The following NAA11 variants were observed in gnomAD, a reference collection of about 807,000 sequenced individuals.
NAA11 encodes the protein N-alpha-acetyltransferase 11.
Under a neutral mutation model 16.1 loss-of-function variants are expected in NAA11, and 15 were observed. The observed-to-expected ratio is 0.93, with a 90% CI of 0.62 to 1.44. The LOEUF (loss-of-function observed/expected upper bound fraction) is 1.44. Among genes scored for constraint, NAA11 ranks in the 40% most tolerant of loss-of-function variants. NAA11 has a pLI of 0.00. For synonymous variants in NAA11, 122 were observed against 112.4 expected (o/e 1.09, Z -0.54); for missense variants, 298 against 291.3 (o/e 1.02, Z -0.17).
rs865854518 is a variant in NAA11, at chr4:79,303,074, T to A, written c.*13-8960A>T. The stretch of plus-strand genomic sequence containing the variant: ...TTTTCATTCCTGTTCTCTTGAGGCC[T>A]TTTATATATATATATATATATATAT... On this transcript the variant is annotated intron_variant and NMD_transcript_variant, in intron 1 of 2. Transcript: ENST00000511542. 2.4e-4 allele frequency among the ~76,000 whole-genome samples: 17 copies of A among 72,276 alleles called. 1 individual carries two copies. The highest frequency in any genetic ancestry group is 1.2e-3 in the African/African-American group (16 of 13,516). The allele number at this position is 72,276 out of a possible 152,430, so 47.4% of individuals were successfully genotyped here. A position where few individuals can be genotyped will look rare whatever the true frequency, so the allele number is the denominator to read the frequency against.
chr4:79,175,484 A>T, the NAA11 span, among the ~76,000 whole-genome samples: 1 of 152,096 alleles, frequency 6.6e-6, no homozygotes, highest in Non-Finnish European at 1.5e-5. Context: ...TCTTATTTCA[A>T]CAAGCAATGT....
chr4:79,190,456 C>CTT, the NAA11 span, among the ~76,000 whole-genome samples: 2,204 of 142,602 alleles, frequency 0.015, 47 homozygotes, highest in African/African-American at 0.049. Context: ...TTGTCTCTCC[C>CTT]TTTTTTTTTT....
chr4:79,186,702 TG>T, the NAA11 span, among the ~76,000 whole-genome samples: 7 of 152,104 alleles, frequency 4.6e-5, no homozygotes, highest in African/African-American at 1.7e-4. Flanking sequence ...AGATGGATTT[TG>T]TCAAATGGAG....
intron 2 of NAA11, among the ~76,000 whole-genome samples, chr4:79,276,649 T>G (rs1480954974): frequency 6.6e-6 from 1 of 152,144 alleles, no homozygotes; most frequent in Admixed American, 6.5e-5. Context: ...TACTGGACAC[T>G]CTGCCGAATA....
chr4:79,218,176 G>C, the NAA11 span, among the ~76,000 whole-genome samples: 2 of 152,032 alleles, frequency 1.3e-5, no homozygotes, highest in Non-Finnish European at 2.9e-5. Flanking sequence ...GCAGCAGTGG[G>C]GTAAGAGAAT....
At chr4:79,240,279 C>G (rs1446147110) in intron 2 of NAA11, among the ~76,000 whole-genome samples, 2 of 152,182 alleles carry the variant, frequency 1.3e-5, no homozygotes, top group African/African-American at 4.8e-5. Flanking sequence ...CATCCCCCAT[C>G]ACTCAGAAGT....
the NAA11 span, among the ~76,000 whole-genome samples, chr4:79,217,213 G>A: frequency 8.0e-3 from 1,222 of 152,264 alleles, 16 homozygotes; most frequent in African/African-American, 0.028. Context: ...GCTTTGGGAT[G>A]CAGATCAACT....
the NAA11 span, among the ~76,000 whole-genome samples, chr4:79,155,941 C>T: frequency 6.6e-6 from 1 of 152,142 alleles, no homozygotes. Context: ...ATTTCATTCT[C>T]AGGTTTGGAG....
intron 2 of NAA11, among the ~76,000 whole-genome samples, chr4:79,274,581 T>C (rs900725545): frequency 2.0e-5 from 3 of 152,124 alleles, no homozygotes; most frequent in African/African-American, 4.8e-5. Flanking sequence ...CTCCTACCTA[T>C]GTGACCTTGG....
the NAA11 span, among the ~76,000 whole-genome samples, chr4:79,208,924 C>CCAAAAAAAAAAAAAAAAAAAAAAAA: frequency 7.7e-5 from 1 of 13,026 alleles, no homozygotes; most frequent in African/African-American, 1.2e-4. Flanking sequence ...TATATAACTG[C>CCAAAAAAAAAAAAAAAAAAAAAAAA]CAAAAAAAAA....
intron 1 of NAA11, chr4:79,306,810 T>C (rs1434669449): frequency 6.6e-6 from 1 of 152,208 alleles, no homozygotes; most frequent in East Asian, 1.9e-4. Flanking sequence ...TTCTGGAATA[T>C]TTTTTCATTA....
chr4:79,169,724 C>A, the NAA11 span, among the ~76,000 whole-genome samples: 1 of 152,166 alleles, frequency 6.6e-6, no homozygotes, highest in Non-Finnish European at 1.5e-5. Flanking sequence ...GCAATGGCAA[C>A]AAAATGCTAC....
At chr4:79,184,318 G>A in the NAA11 span, among the ~76,000 whole-genome samples, 1 of 152,072 alleles carries the variant, frequency 6.6e-6, no homozygotes, top group Non-Finnish European at 1.5e-5. Context: ...CTGAACTGCC[G>A]CAAGGATGCT....
At chr4:79,233,733 A>C (rs963925284) in intron 2 of NAA11, among the ~76,000 whole-genome samples, 9 of 152,148 alleles carry the variant, frequency 5.9e-5, no homozygotes, top group African/African-American at 2.2e-4. Flanking sequence ...CCTGCACTCT[A>C]TTCCCCCACA....
rs927381633 is a variant in NAA11 at position 79,317,632 on chromosome 4, T to C, written c.*172A>G. ...GCTCTTGTGTCCAGGTATTCCTTCA[T>C]GATCCCAGCAGGATATGTGAAAGGT... is the stretch of plus-strand genomic sequence containing the variant. On this transcript the variant is annotated 3_prime_UTR_variant, in exon 2 of 2. Transcript: ENST00000286794. 6.6e-6 allele frequency: 1 copy of C among 152,264 alleles called. No homozygotes were observed. Among genetic ancestry groups the C allele is most frequent in the Non-Finnish European group, 1.5e-5 (1 of 68,104 alleles). 9.4% of individuals were successfully genotyped at this position (152,264 alleles called of 1,614,324 possible). A position where few individuals can be genotyped will look rare whatever the true frequency, so the allele number is the denominator to read the frequency against.
the NAA11 span, among the ~76,000 whole-genome samples, chr4:79,161,682 T>TG: frequency 2.0e-5 from 3 of 151,694 alleles, no homozygotes; most frequent in African/African-American, 7.3e-5. Context: ...TACTTAGTTT[T>TG]TTTTTTTTTT....
At chr4:79,223,169 C>A (rs1721230687), downstream of NAA11, among the ~76,000 whole-genome samples, 2 of 151,382 alleles carry the variant, frequency 1.3e-5, no homozygotes, top group African/African-American at 2.4e-5. Context: ...GACTATAAAT[C>A]ATGCTGCTAT....
In NAA11 at chr4:79,325,538, T is replaced by G. The variant is rs752971914; in HGVS notation, c.340A>C (p.Ser114Arg). The G allele has an allele frequency of 9.8e-5, 158 of 1,614,058 alleles. No individual in the cohort carries two copies. Among genetic ancestry groups the G allele is most frequent in the Non-Finnish European group, 1.3e-4 (153 of 1,180,006 alleles). Reference sequence around the variant, plus strand: ...TAAAGGTGCAAGGCTGGCCGGTTACTCTTCCTGACGTGCAGAGACACGTAT... The same window carrying G: ...TAAAGGTGCAAGGCTGGCCGGTTACGCTTCCTGACGTGCAGAGACACGTAT... ...AKYVSLHVRK[S>R]NRPALHLYSN... The change falls in exon 1 of 2, where the codon AGT becomes CGT. Residue 114 changes from serine to arginine, a missense_variant. By Grantham distance (110) the Ser-to-Arg change is moderately radical. Transcript: ENST00000286794.
chr4:79,222,650 T>G (rs1467118415), downstream of NAA11, among the ~76,000 whole-genome samples: 14 of 143,508 alleles, frequency 9.8e-5, no homozygotes, highest in Admixed American at 2.8e-4. Context: ...AAATGGGATC[T>G]AATTAAACTA....
Sources: allele counts gnomAD v4.1 joint callset (sites outside exome capture counted in the v4.1 genomes callset), GRCh38; gene constraint gnomAD v4.1.1; transcripts MANE v1.5; gene names NCBI Gene and HGNC (gene_info 2026-07-23, HGNC 2026-07-21).